Variants in MTA1 observed in about 807,000 individuals in gnomAD.
MTA1 encodes metastasis associated 1.
Under a neutral mutation model 97.0 loss-of-function variants are expected in MTA1, and 15 were observed. That is an observed-to-expected ratio of 0.15 (90% CI 0.10 to 0.24). The LOEUF is 0.24. Ranked by LOEUF, MTA1 falls within the 10% of genes least tolerant of loss-of-function variation. MTA1 has a pLI of 1.00. For missense variants in MTA1, 709 were observed against 1,015.1 expected, an observed-to-expected ratio of 0.70 and a Z score of 4.10; for synonymous variants, 435 against 417.5, an observed-to-expected ratio of 1.04 and a Z score of -0.51.
rs2081814760 is a variant in MTA1, at chr14:105,420,996, G to C, written c.28+933G>C. Among the ~76,000 whole-genome samples the C allele has an allele frequency of 6.6e-6, 1 of 152,192 alleles. No individual in the cohort carries two copies. The highest frequency in any genetic ancestry group is 1.5e-5 in the Non-Finnish European group (1 of 68,032). On this transcript the variant is annotated intron_variant, in intron 1 of 20. Transcript: ENST00000331320. The surrounding 1 kb of genome is among the most constrained non-coding windows in gnomAD (Gnocchi z 5.3). ...GGGAGCTGGGGTCACTCCCGCTCTG[G>C]CTTGATCCCCATGCCCCTGACCCCG...
intron 2 of MTA1, 117 bp downstream of exon 2, chr14:105,438,856 A>G: frequency 2.0e-6 from 2 of 999,482 alleles, no homozygotes; most frequent in Non-Finnish European, 3.1e-6. Flanking sequence ...TGGACTGGCC[A>G]CTGCACAGGC....
intron 1 of MTA1, among the ~76,000 whole-genome samples, chr14:105,428,915 G>A (rs1292850881): frequency 6.6e-6 from 1 of 151,936 alleles, no homozygotes; most frequent in Non-Finnish European, 1.5e-5. Flanking sequence ...TGTAGAGATG[G>A]GGTCTCACTA....
chr14:105,468,952 C>A (rs1383155186), intron 18 of MTA1: 4 of 324,670 alleles, frequency 1.2e-5, no homozygotes, highest in Non-Finnish European at 1.8e-5. Flanking sequence ...CACCCCATCC[C>A]CAAGCACATG....
chr14:105,464,651 G>T, intron 14 of MTA1, 23 bp from the exon 15 acceptor site: 1 of 1,604,814 alleles, frequency 6.2e-7, no homozygotes. Flanking sequence ...GCTGTGTTGG[G>T]GCGGTTGCGC....
rs782342568 is a variant in MTA1, at chr14:105,463,821, T to A, written c.1077-211T>A. On this transcript the variant is annotated intron_variant, in intron 12 of 20. Transcript: ENST00000331320. This position sits in a 1 kb window ranked among gnomAD's most constrained non-coding sequence, Gnocchi z 5.9. ...TCAGTCCCTGAGCTGGGCTCCATGC[T>A]AGGGGGAGCACGGGGGCCTGGAGAA... is the stretch of plus-strand genomic sequence containing the variant. 1.4e-5 allele frequency: 9 copies of A among 641,372 alleles called. No individual in the cohort carries two copies. In the South Asian group the frequency reaches 1.5e-4, roughly 11 times the overall value. The allele number at this position is 641,372 out of a possible 1,614,324, so 39.7% of individuals were successfully genotyped here. A position where few individuals can be genotyped will look rare whatever the true frequency, so the allele number is the denominator to read the frequency against.
At chr14:105,468,167 C>A in intron 18 of MTA1, 1 of 504,742 alleles carries the variant, frequency 2.0e-6, no homozygotes, top group Non-Finnish European at 3.6e-6. Flanking sequence ...ATGAGCTGAG[C>A]TCGAGTGAGG....
At chr14:105,428,459 T>C (rs1014587180) in intron 1 of MTA1, among the ~76,000 whole-genome samples, 2 of 151,894 alleles carry the variant, frequency 1.3e-5, no homozygotes, top group Non-Finnish European at 2.9e-5. Flanking sequence ...CCCAGCTAAG[T>C]TTTTCGTTAT....
At chr14:105,448,164 G>T (rs782187219) in intron 3 of MTA1, among the ~76,000 whole-genome samples, 19 of 152,248 alleles carry the variant, frequency 1.2e-4, no homozygotes, top group Non-Finnish European at 2.1e-4. Flanking sequence ...GGAGACCACA[G>T]CCAAGAGTGG....
intron 2 of MTA1, among the ~76,000 whole-genome samples, chr14:105,438,955 A>G (rs2082413806): frequency 6.6e-6 from 1 of 152,210 alleles, no homozygotes; most frequent in African/African-American, 2.4e-5. Flanking sequence ...TGCAGGACCC[A>G]GCGCAGCTGC....
chr14:105,467,526 G>A (rs1027198948), intron 18 of MTA1: 6 of 455,056 alleles, frequency 1.3e-5, no homozygotes, highest in East Asian at 6.9e-5. Flanking sequence ...GGGTCAGCAC[G>A]CCGGCTGCAG....
chr14:105,439,497 G>C (rs587595534), intron 2 of MTA1, among the ~76,000 whole-genome samples: 1 of 152,198 alleles, frequency 6.6e-6, no homozygotes, highest in South Asian at 2.1e-4. Flanking sequence ...AGACAGAGCC[G>C]TAGATGGCCA....
chr14:105,450,447 T>C, intron 6 of MTA1, 123 bp downstream of exon 6: 5 of 1,152,616 alleles, frequency 4.3e-6, no homozygotes, highest in Non-Finnish European at 6.0e-6. Context: ...CCCAGGCTGT[T>C]CTGGGGGGAA....
chr14:105,425,194 C>T (rs141526038), intron 1 of MTA1, among the ~76,000 whole-genome samples: 9 of 152,366 alleles, frequency 5.9e-5, no homozygotes, highest in African/African-American at 2.2e-4. Flanking sequence ...GGGTGGCCCC[C>T]CTTCCCCAGG....
In MTA1 at chr14:105,422,322, C is replaced by T. The variant is rs144727042; in HGVS notation, c.28+2259C>T. ...CAGGTTGGCTTCCTGTCTTGGTGCT[C>T]GCTCGGGGAGGTGGGCGTCTGGATT... is the stretch of plus-strand genomic sequence containing the variant. On this transcript the variant is annotated intron_variant, in intron 1 of 20. Coordinates refer to ENST00000331320, the MANE Select transcript of MTA1 (RefSeq NM_004689.4). The surrounding 1 kb of genome is among the most constrained non-coding windows in gnomAD (Gnocchi z 4.3). Among the ~76,000 whole-genome samples the T allele has an allele frequency of 2.2e-3, 333 of 152,224 alleles. No homozygotes were observed. Among genetic ancestry groups the T allele is most frequent in the African/African-American group, 7.7e-3 (319 of 41,530 alleles).
Position 105,463,089 on chromosome 14 carries a change from C to G in MTA1, c.943-95C>G, listed in dbSNP as rs994994561. ...ACCTCGCCCTCTGGCCTCCCGCCCC[C>G]TCTGTGGCCTTCTGGCCGCAGCCCT... On this transcript the variant is annotated intron_variant, in intron 10 of 20. Coordinates refer to ENST00000331320, the MANE Select transcript of MTA1 (RefSeq NM_004689.4). This position sits in a 1 kb window ranked among gnomAD's most constrained non-coding sequence, Gnocchi z 5.9. 3.0e-5 allele frequency: 38 copies of G among 1,272,088 alleles called. No homozygotes were observed. Among genetic ancestry groups the G allele is most frequent in the Admixed American group, 1.7e-4 (10 of 57,488 alleles). 78.8% of individuals were successfully genotyped at this position (1,272,088 alleles called of 1,614,324 possible).
intron 3 of MTA1, among the ~76,000 whole-genome samples, chr14:105,447,937 T>C (rs1555427614): frequency 6.6e-6 from 1 of 152,148 alleles, no homozygotes; most frequent in African/African-American, 2.4e-5. Flanking sequence ...GGGAGGCCTC[T>C]GGCTCTCCCA....
intron 16 of MTA1, chr14:105,466,099 A>G (rs1334697473): frequency 6.1e-6 from 2 of 330,234 alleles, no homozygotes; most frequent in Non-Finnish European, 1.1e-5. Flanking sequence ...GGGGCTGTTT[A>G]ATAGGCGTGC....
chr14:105,444,942 T>C (rs1445612695), intron 2 of MTA1, among the ~76,000 whole-genome samples: 2 of 152,366 alleles, frequency 1.3e-5, no homozygotes, highest in East Asian at 3.9e-4. Context: ...ACAGCCGTCT[T>C]GACTTGGAGA....
At chr14:105,432,750 T>C (rs2082213250) in intron 1 of MTA1, among the ~76,000 whole-genome samples, 1 of 152,222 alleles carries the variant, frequency 6.6e-6, no homozygotes, top group Non-Finnish European at 1.5e-5. Context: ...CAACAGCTCA[T>C]GTTTAAATCA....
Sources: allele counts gnomAD v4.1 joint callset (sites outside exome capture counted in the v4.1 genomes callset), GRCh38; gene constraint gnomAD v4.1.1; non-coding constraint Gnocchi (gnomAD v3.1); transcripts MANE v1.5; gene names NCBI Gene and HGNC (gene_info 2026-07-23, HGNC 2026-07-21).